The following ZFP64 variants were observed in gnomAD, a reference collection of about 807,000 sequenced individuals.
ZFP64 encodes zinc finger protein 64.
ZFP64 carries 14 observed loss-of-function variants against 51.6 expected under a neutral mutation model. That is an observed-to-expected ratio of 0.27 (90% CI 0.18 to 0.42). The LOEUF is 0.42. Ranked by LOEUF, ZFP64 falls within the 10% of genes least tolerant of loss-of-function variation. The pLI, the probability that ZFP64 is intolerant of heterozygous loss-of-function variation, is 1.00. For missense variants in ZFP64, 754 were observed against 906.8 expected, an observed-to-expected ratio of 0.83 and a Z score of 2.16; for synonymous variants, 375 against 361.4, an observed-to-expected ratio of 1.04 and a Z score of -0.43.
At chr20:52,181,857 CAATAGGAGG>C (rs1983636976) in intron 2 of ZFP64, among the ~76,000 whole-genome samples, 1 of 152,114 alleles carries the variant, frequency 6.6e-6, no homozygotes, top group South Asian at 2.1e-4. Flanking sequence ...ACTTGAAGCA[CAATAGGAGG>C]AATTGCACCC....
chr20:52,164,563 A>G (rs534580703), intron 4 of ZFP64, 132 bp downstream of exon 4: 32 of 788,256 alleles, frequency 4.1e-5, no homozygotes, highest in Non-Finnish European at 6.6e-5. Context: ...CTTATTTTTT[A>G]AAATCTGGAC....
Position 52,153,530 on chromosome 20 carries a change from T to C in ZFP64, c.764-102A>G. On this transcript the variant is annotated intron_variant, in intron 5 of 5. Coordinates refer to ENST00000216923, the MANE Select transcript of ZFP64 (RefSeq NM_018197.3). This position sits in a 1 kb window ranked among gnomAD's most constrained non-coding sequence, Gnocchi z 5.1. ...AAATCGCTTATACAAGGTGGGTGGG[T>C]GCAGACCTCCTAACTGCAGCTTCTA... 6.9e-7 allele frequency: 1 copy of C among 1,456,780 alleles called. No individual in the cohort carries two copies. The highest frequency in any genetic ancestry group is 9.1e-7 in the Non-Finnish European group (1 of 1,101,210). The allele number at this position is 1,456,780 out of a possible 1,614,324, so 90.2% of individuals were successfully genotyped here.
chr20:52,154,441 C>T (rs997821508), intron 5 of ZFP64, among the ~76,000 whole-genome samples: 12 of 152,154 alleles, frequency 7.9e-5, no homozygotes, highest in Non-Finnish European at 1.6e-4. Flanking sequence ...CCAATCCAGG[C>T]TGACTCCACA....
At chr20:52,131,622 G>A (rs1979726440) in intron 5 of ZFP64, among the ~76,000 whole-genome samples, 1 of 152,124 alleles carries the variant, frequency 6.6e-6, no homozygotes, top group Non-Finnish European at 1.5e-5. Flanking sequence ...AGAAAAGCAG[G>A]TCACTATATA....
rs538491237 is a variant in ZFP64, at chr20:52,164,234, C to T, written c.511+461G>A. Among the ~76,000 whole-genome samples the T allele has an allele frequency of 3.8e-3, 580 of 152,264 alleles. 2 individuals carry two copies. Among genetic ancestry groups the T allele is most frequent in the Non-Finnish European group, 6.1e-3 (414 of 68,012 alleles). Reference sequence around the variant, plus strand: ...AGGCTGAGGTGGGCGGGTCGAGTGCCACCGCACTCCAGCCTGGGCGACAGA... The same window carrying T: ...AGGCTGAGGTGGGCGGGTCGAGTGCTACCGCACTCCAGCCTGGGCGACAGA... On this transcript the variant is annotated intron_variant, in intron 4 of 5. Transcript: ENST00000216923.
At chr20:52,115,466 G>A (rs7272921) in intron 5 of ZFP64, among the ~76,000 whole-genome samples, 25,751 of 146,808 alleles carry the variant, frequency 0.18, 2,425 homozygotes, top group Non-Finnish European at 0.21. Flanking sequence ...CCAGGCTGGA[G>A]TGCCGTGGCA....
chr20:52,176,864 C>T (rs1486404159), intron 2 of ZFP64, among the ~76,000 whole-genome samples: 1 of 152,206 alleles, frequency 6.6e-6, no homozygotes. Context: ...CTCCCTTATG[C>T]CTATATCCTT....
In ZFP64 at chr20:52,095,548, T is replaced by G. The variant is rs960157035; in HGVS notation, c.976+1825A>C. ...AGGGAGGAATACCATGAGGCCTCCA[T>G]GCCTTTTCTCCTACTTTCCATTAGT... On this transcript the variant is annotated intron_variant, in intron 7 of 8. Coordinates refer to the ZFP64 transcript ENST00000361387. Among the ~76,000 whole-genome samples, 45 of 152,330 alleles carry G rather than the reference T, an allele frequency of 3.0e-4. 1 individual carries two copies. Among genetic ancestry groups the G allele is most frequent in the African/African-American group, 1.0e-3 (42 of 41,580 alleles).
intron 7 of ZFP64, chr20:52,097,191 G>T: frequency 1.2e-6 from 1 of 813,308 alleles, no homozygotes; most frequent in Non-Finnish European, 2.2e-6. Context: ...AGCTCATCCT[G>T]GGAATCACTT....
chr20:52,146,389 C>G (rs2122930386), downstream of ZFP64, among the ~76,000 whole-genome samples: 1 of 132,188 alleles, frequency 7.6e-6, no homozygotes, highest in East Asian at 2.0e-4. Flanking sequence ...CCATGGAATA[C>G]TATGCAGCCA....
intron 3 of ZFP64, chr20:52,165,133 C>A (rs1217830230): frequency 2.2e-6 from 1 of 462,952 alleles, no homozygotes; most frequent in Admixed American, 2.3e-5. Flanking sequence ...CTGGTTGGAG[C>A]CTGGATCAGA....
chr20:52,086,496 G>C (rs1343217939), intron 8 of ZFP64, among the ~76,000 whole-genome samples: 1 of 82,966 alleles, frequency 1.2e-5, no homozygotes, highest in African/African-American at 4.7e-5. Flanking sequence ...TTTTTTTTTT[G>C]ATACAGAGTC....
At position 52,160,421 on chromosome 20, in the gene ZFP64, A is replaced by G. The variant is rs866432767; in HGVS notation, c.512-47T>C. On this transcript the variant is annotated intron_variant, in intron 4 of 5. Coordinates refer to ENST00000216923, the MANE Select transcript of ZFP64 (RefSeq NM_018197.3). The surrounding 1 kb of genome is among the most constrained non-coding windows in gnomAD (Gnocchi z 4.2). ...GATGGCAGCAGGAAACAAGATTAAA[A>G]AAGGAAAAGGCTTATTTCCCACTGC... 6 of 1,552,748 alleles carry G rather than the reference A, an allele frequency of 3.9e-6. No homozygotes were observed. In the South Asian group the frequency reaches 6.1e-5, roughly 16 times the overall value.
At chr20:52,163,071 T>C (rs537647358) in intron 4 of ZFP64, among the ~76,000 whole-genome samples, 4 of 152,298 alleles carry the variant, frequency 2.6e-5, no homozygotes, top group Admixed American at 6.5e-5. Context: ...TTAATAATTA[T>C]AGTACTCAGC....
At chr20:52,117,512 G>A (rs1226069880) in intron 5 of ZFP64, 5 of 376,100 alleles carry the variant, frequency 1.3e-5, no homozygotes, top group African/African-American at 2.1e-5. Context: ...CCAGCTACTC[G>A]GGAGGCTGAG....
chr20:52,102,496 C>T (rs1401731225), intron 5 of ZFP64, among the ~76,000 whole-genome samples: 3 of 152,264 alleles, frequency 2.0e-5, no homozygotes, highest in East Asian at 3.9e-4. Context: ...TTGGAACCCA[C>T]ACTTGCCAGA....
At chr20:52,101,151 A>T (rs1460986123) in intron 5 of ZFP64, among the ~76,000 whole-genome samples, 5 of 152,154 alleles carry the variant, frequency 3.3e-5, no homozygotes, top group Non-Finnish European at 7.4e-5. Flanking sequence ...CCCACAAGGA[A>T]ACGATGCAGC....
exon 6 of ZFP64, chr20:52,098,518 G>C (rs1276233750): frequency 6.2e-7 from 1 of 1,614,172 alleles, no homozygotes; most frequent in South Asian, 1.1e-5. Context: ...GATGACAGGG[G>C]CCTTCGGAGT....
intron 5 of ZFP64, among the ~76,000 whole-genome samples, chr20:52,099,825 G>A (rs953821913): frequency 1.3e-5 from 2 of 152,196 alleles, no homozygotes; most frequent in Non-Finnish European, 2.9e-5. Context: ...TAGGAAGGTT[G>A]AACTAGGTGA....
Sources: allele counts gnomAD v4.1 joint callset (sites outside exome capture counted in the v4.1 genomes callset), GRCh38; gene constraint gnomAD v4.1.1; non-coding constraint Gnocchi (gnomAD v3.1); transcripts MANE v1.5; gene names NCBI Gene and HGNC (gene_info 2026-07-23, HGNC 2026-07-21).